Variants in GTPBP3 observed in about 807,000 individuals in gnomAD.
GTPBP3 encodes GTP binding protein 3, mitochondrial.
Under a neutral mutation model 42.0 loss-of-function variants are expected in GTPBP3, and 35 were observed. That is an observed-to-expected ratio of 0.83 (90% CI 0.64 to 1.10). GTPBP3 has a LOEUF of 1.10. Among genes scored for constraint, GTPBP3 ranks in the 50% least tolerant of loss-of-function variants. GTPBP3 has a pLI of 0.00. For missense variants in GTPBP3, 691 were observed against 685.2 expected (o/e 1.01, Z -0.09); for synonymous variants, 332 against 314.9 (o/e 1.05, Z -0.58).
chr19:17,341,327 G>T lies in GTPBP3; in HGVS notation c.1253+5G>T. On this transcript the variant is annotated splice_donor_5th_base_variant and intron_variant, in intron 8 of 8. Transcript: ENST00000324894. ...GAGGAAGGAGCTAGCTGCAGTGTGAGCCCCCTCCCACTCCCAGCCTCCCCT... is the reference window on the plus strand; with the variant it reads ...GAGGAAGGAGCTAGCTGCAGTGTGATCCCCCTCCCACTCCCAGCCTCCCCT... 6.3e-7 allele frequency: 1 copy of T among 1,585,822 alleles called. No individual in the cohort carries two copies. The highest frequency in any genetic ancestry group is 8.6e-7 in the Non-Finnish European group (1 of 1,167,562).
In GTPBP3 at chr19:17,338,941, C is replaced by A. The variant is rs202097575; in HGVS notation, c.592-13C>A. The A allele has an allele frequency of 1.3e-6, 2 of 1,583,802 alleles. No individual in the cohort carries two copies. Among genetic ancestry groups the A allele is most frequent in the South Asian group, 2.3e-5 (2 of 85,510 alleles). On this transcript the variant is annotated splice_polypyrimidine_tract_variant and intron_variant, in intron 4 of 8. Transcript: ENST00000324894. ...GGGTGCACACACCACCTCTGCTCTCCCTGCCCCGCCAGGCTCTGGCCCACG... is the reference window on the plus strand; with the variant it reads ...GGGTGCACACACCACCTCTGCTCTCACTGCCCCGCCAGGCTCTGGCCCACG...
chr19:17,337,453 G>A (rs1022388342), upstream of GTPBP3: 21 of 1,237,142 alleles, frequency 1.7e-5, no homozygotes, highest in Non-Finnish European at 1.9e-5. Context: ...ATGGAAGCGA[G>A]TATCTTCAGA....
Position 17,338,748 on chromosome 19 carries a change from C to T in GTPBP3, c.591+7C>T, listed in dbSNP as rs368509733. The T allele has an allele frequency of 5.0e-6, 8 of 1,600,738 alleles. No individual in the cohort carries two copies. In the African/African-American group the frequency reaches 6.7e-5, roughly 13 times the overall value. ...GGCCGAGACCCTCACCAAAGCAAGT[C>T]CCCCATTTGTCCATTCTCTCCCTCA... On this transcript the variant is annotated splice_region_variant and intron_variant, in intron 4 of 8. Transcript: ENST00000324894.
rs1386811091 is a variant in GTPBP3 at position 17,338,759 on chromosome 19, C to T, written c.591+18C>T. On this transcript the variant is annotated intron_variant, in intron 4 of 8. Coordinates refer to ENST00000324894, the MANE Select transcript of GTPBP3 (RefSeq NM_032620.4). ...TCACCAAAGCAAGTCCCCCATTTGT[C>T]CATTCTCTCCCTCAGAGACCCCATC... 6 of 1,594,052 alleles carry T rather than the reference C, an allele frequency of 3.8e-6. No individual in the cohort carries two copies. Among genetic ancestry groups the T allele is most frequent in the Admixed American group, 1.7e-5 (1 of 58,844 alleles).
At chr19:17,335,813 C>CTTGTTACAGATATAACAACTA (rs1568364320), upstream of GTPBP3, among the ~76,000 whole-genome samples, 2 of 149,644 alleles carry the variant, frequency 1.3e-5, no homozygotes, top group Non-Finnish European at 3.0e-5. Flanking sequence ...GCTTGCTGTA[C>CTTGTTACAGATATAACAACTA]GCTTGTTACA....
chr19:17,339,320 G>C (rs2074404177), intron 6 of GTPBP3, 54 bp downstream of exon 6: 6 of 1,581,394 alleles, frequency 3.8e-6, no homozygotes, highest in African/African-American at 2.7e-5. Context: ...GGGGCCAAGA[G>C]CTGGGTTATT....
chr19:17,341,821 T>G lies in GTPBP3; in HGVS notation c.*118T>G. On this transcript the variant is annotated 3_prime_UTR_variant, in exon 9 of 9. Transcript: ENST00000324894. Reference sequence around the variant, plus strand: ...CCTGGGAAAGAACTTGATTCTCAAATAGTGAAGCAACACAGCTGAGAGGTA... The same window carrying G: ...CCTGGGAAAGAACTTGATTCTCAAAGAGTGAAGCAACACAGCTGAGAGGTA... 1 of 877,886 alleles carries G rather than the reference T, an allele frequency of 1.1e-6. No homozygotes were observed. 54.4% of individuals were successfully genotyped at this position (877,886 alleles called of 1,614,324 possible).
At position 17,339,249 on chromosome 19, in the gene GTPBP3, G is replaced by T. The variant is rs1365806985; in HGVS notation, c.791G>T (p.Ser264Ile). 6.2e-7 allele frequency: 1 copy of T among 1,607,960 alleles called. No homozygotes were observed. Among genetic ancestry groups the T allele is most frequent in the African/African-American group, 1.3e-5 (1 of 74,864 alleles). The change falls in exon 6 of 9, where the codon AGC (serine) becomes ATC (isoleucine). Residue 264 changes from serine (S) to isoleucine (I), a missense_variant. Coordinates refer to ENST00000324894, the MANE Select transcript of GTPBP3 (RefSeq NM_032620.4). ...GGACCCCCCAATGCGGGCAAGAGCA[G>T]CCTAGTGAACCTGCTCAGTGAGTAG... ...VTGPPNAGKS[S>I]LVNLLSRKPV...
At chr19:17,339,303 C>T (rs772049205) in intron 6 of GTPBP3, 37 bp downstream of exon 6, 9 of 1,581,136 alleles carry the variant, frequency 5.7e-6, no homozygotes, top group Non-Finnish European at 7.7e-6. Flanking sequence ...GGCCTAGTGC[C>T]AGGGGCGGGG....
intron 1 of GTPBP3, 63 bp from the exon 2 acceptor site, chr19:17,337,945 G>A (rs1319412396): frequency 6.4e-7 from 1 of 1,559,568 alleles, no homozygotes; most frequent in South Asian, 1.1e-5. Context: ...TCGAGCCCTC[G>A]GTCTACTTGA....
chr19:17,337,414 C>G (rs1291618567), upstream of GTPBP3: 1 of 1,146,756 alleles, frequency 8.7e-7, no homozygotes, highest in African/African-American at 1.6e-5. Context: ...CATACCGCCT[C>G]CCGCTCCCGC....
intron 8 of GTPBP3, 48 bp downstream of exon 8, chr19:17,341,370 TG>T: frequency 6.4e-7 from 1 of 1,556,908 alleles, no homozygotes; most frequent in South Asian, 1.2e-5. Context: ...AGTTTAAGTG[TG>T]GGTCCCTCAA....
At position 17,341,633 on chromosome 19, in the gene GTPBP3, G is replaced by A. The variant is rs1228454692; in HGVS notation, c.1409G>A (p.Arg470Gln). 1.9e-6 allele frequency: 3 copies of A among 1,613,264 alleles called. No homozygotes were observed. Among genetic ancestry groups the A allele is most frequent in the Admixed American group, 1.7e-5 (1 of 59,960 alleles). ...ALRVARGHLT[R>Q]LTGGGGTEEI... ...CGGGTGGCCCGGGGTCACCTGACCC[G>A]GCTCACAGGTGGAGGGGGTACCGAG... The change falls in exon 9 of 9, where the codon CGG (arginine) becomes CAG (glutamine). Residue 470 changes from arginine (R) to glutamine (Q), a missense_variant. Physicochemically the swap from Arg to Gln is conservative, Grantham distance 43. Coordinates refer to ENST00000324894, the MANE Select transcript of GTPBP3 (RefSeq NM_032620.4).
At chr19:17,335,074 A>T (rs2074355346), upstream of GTPBP3, 1 of 1,535,782 alleles carries the variant, frequency 6.5e-7, no homozygotes, top group Non-Finnish European at 8.7e-7. Flanking sequence ...CAGTTTCCCC[A>T]TCTGCAAACT....
Position 17,341,228 on chromosome 19 carries a change from G to A in GTPBP3, c.1159G>A (p.Gly387Ser), listed in dbSNP as rs757518953. Residue 387 changes from glycine to serine, a missense_variant, in exon 8 of 9, where the codon GGT becomes AGT. Physicochemically the swap from Gly to Ser is moderately conservative, Grantham distance 56 (BLOSUM62 0). Transcript: ENST00000324894. ...DLLSPEGPGP[G>S]PDLPPHLLLS... ...GCTGTCCCCGGAGGGCCCAGGTCCC[G>A]GTCCTGACCTGCCCCCGCACCTGCT... 8.1e-6 allele frequency: 13 copies of A among 1,607,640 alleles called. No individual in the cohort carries two copies. The highest frequency in any genetic ancestry group is 2.2e-5 in the South Asian group (2 of 91,044).
rs1332141936 is a variant in GTPBP3 at position 17,341,239 on chromosome 19, GC to G, written c.1175del (p.Pro392ArgfsTer8). The G allele has an allele frequency of 2.5e-6, 4 of 1,607,112 alleles. No homozygotes were observed. The highest frequency in any genetic ancestry group is 3.4e-6 in the Non-Finnish European group (4 of 1,179,952). ...PEGPGPGPDLPPHLLLSCLTG... is the reference protein window; with the variant it reads ...PEGPGPGPDLXPHLLLSCLTG... ...AGGGCCCAGGTCCCGGTCCTGACCT[GC>G]CCCCGCACCTGCTGCTGTCCTGTCT... On this transcript the variant is annotated frameshift_variant, in exon 8 of 9. Coordinates refer to ENST00000324894, the MANE Select transcript of GTPBP3 (RefSeq NM_032620.4). LOFTEE classifies it high-confidence loss of function.
At position 17,341,879 on chromosome 19, in the gene GTPBP3, A is replaced by G; in HGVS notation, c.*176A>G. 1 of 541,822 alleles carries G rather than the reference A, an allele frequency of 1.8e-6. No homozygotes were observed. The highest frequency in any genetic ancestry group is 3.2e-5 in the East Asian group (1 of 31,744). The allele number at this position is 541,822 out of a possible 1,614,324, so 33.6% of individuals were successfully genotyped here. A position where few individuals can be genotyped will look rare whatever the true frequency, so the allele number is the denominator to read the frequency against. ...CCCTGCAGGGACTCCCTGGAGATTC[A>G]GGCCCTGGAATGGGGCTGAATGGAG... is the stretch of plus-strand genomic sequence containing the variant. On this transcript the variant is annotated 3_prime_UTR_variant, in exon 9 of 9. Transcript: ENST00000324894.
At chr19:17,335,787 C>T (rs974754912), upstream of GTPBP3, among the ~76,000 whole-genome samples, 3 of 100,938 alleles carry the variant, frequency 3.0e-5, no homozygotes, top group South Asian at 7.8e-4. Context: ...GTTCTCAATG[C>T]GAGCACACAG....
rs1250264756 is a variant in GTPBP3, at chr19:17,339,193, G to A, written c.735G>A (p.Arg245=). 6.2e-7 allele frequency: 1 copy of A among 1,613,630 alleles called. No homozygotes were observed. The highest frequency in any genetic ancestry group is 8.5e-7 in the Non-Finnish European group (1 of 1,180,004). The part of the protein sequence containing the change: ...AHLRDARRGQ[R]LRSGVHVVVT... Reference sequence around the variant, plus strand: ...TACGAGATGCCAGGCGCGGGCAGAGGCTCCGCTCAGGGGTGCACGTAGTGG... The same window carrying A: ...TACGAGATGCCAGGCGCGGGCAGAGACTCCGCTCAGGGGTGCACGTAGTGG... Residue 245 remains arginine, a synonymous_variant, in exon 6 of 9, where the codon AGG becomes AGA. Transcript: ENST00000324894.
Sources: gnomAD v4.1 joint callset for allele counts (sites outside exome capture counted in the v4.1 genomes callset) on GRCh38, gnomAD v4.1.1 for gene constraint, MANE v1.5 for transcripts, NCBI Gene and HGNC (gene_info 2026-07-23, HGNC 2026-07-21) for gene names.